RBFOX1: variants seen among roughly 807,000 people sequenced by gnomAD.
RBFOX1 encodes the protein RNA binding fox-1 homolog 1, also known as RNA binding protein fox-1 homolog 1.
In RBFOX1, 8 loss-of-function variants were observed where a neutral mutation model predicts 57.7. The observed-to-expected ratio is 0.14, with a 90% CI of 0.08 to 0.25. RBFOX1 has a LOEUF of 0.25. RBFOX1 is among the 10% of genes least tolerant of loss of function. The pLI is 1.00. For synonymous variants in RBFOX1, 326 were observed against 222.4 expected (o/e 1.47, Z -4.15); for missense variants, 611 against 548.5 (o/e 1.11, Z -1.14).
In RBFOX1 at chr16:7,090,114, G is replaced by A. The variant is rs191243740; in HGVS notation, c.27+38016G>A. On this transcript the variant is annotated intron_variant, in intron 4 of 15. Coordinates refer to ENST00000550418, the MANE Select transcript of RBFOX1 (RefSeq NM_018723.4). Reference sequence around the variant, plus strand: ...TAGTCTAAATGTGGTTGATATCTCTGTTTAAGAGCTCATCTTGCTTTAGGA... The same window carrying A: ...TAGTCTAAATGTGGTTGATATCTCTATTTAAGAGCTCATCTTGCTTTAGGA... Among the ~76,000 whole-genome samples the A allele has an allele frequency of 2.0e-5, 3 of 152,214 alleles. No individual in the cohort carries two copies. The East Asian group carries it at 5.8e-4, about 29-fold the overall frequency.
intron 3 of RBFOX1, among the ~76,000 whole-genome samples, chr16:6,970,542 C>T (rs1043483171): frequency 6.6e-6 from 1 of 152,146 alleles, no homozygotes; most frequent in Admixed American, 6.5e-5. Context: ...CCGGTGAGGG[C>T]TGAGTCTCTG....
intron 4 of RBFOX1, among the ~76,000 whole-genome samples, chr16:7,173,232 C>G (rs960474059): frequency 6.6e-6 from 1 of 152,194 alleles, no homozygotes; most frequent in Non-Finnish European, 1.5e-5. Context: ...TCTCCTCCCC[C>G]TTTTATTTCA....
chr16:6,117,562 G>A (rs1193562113), intron 1 of RBFOX1, among the ~76,000 whole-genome samples: 1 of 152,252 alleles, frequency 6.6e-6, no homozygotes, highest in Non-Finnish European at 1.5e-5. Flanking sequence ...GCTTCTGGTA[G>A]CATTTGGCTC....
chr16:6,001,024 A>G lies in RBFOX1; in HGVS notation c.351+133689A>G, dbSNP rs140469538. Among the ~76,000 whole-genome samples, 898 of 151,728 alleles carry G rather than the reference A, an allele frequency of 5.9e-3. 30 individuals carry two copies. Among genetic ancestry groups the G allele is most frequent in the Admixed American group, 0.04 (612 of 15,240 alleles). On this transcript the variant is annotated intron_variant, in intron 4 of 19. Coordinates refer to the RBFOX1 transcript ENST00000641259. ...TGACGGATGAGTAGATGAGTGGGTG[A>G]GTGGATTGGTGGATCGATGGATGGG...
chr16:6,199,433 G>T (rs926945746), intron 1 of RBFOX1, among the ~76,000 whole-genome samples: 2 of 152,124 alleles, frequency 1.3e-5, no homozygotes, highest in Non-Finnish European at 2.9e-5. Context: ...TGTGACTTCT[G>T]AGTTTAAATT....
chr16:5,546,417 A>T (rs1182325926), intron 2 of RBFOX1, among the ~76,000 whole-genome samples: 2 of 152,206 alleles, frequency 1.3e-5, no homozygotes, highest in African/African-American at 4.8e-5. Context: ...TGATTTAAAG[A>T]TTTATTACAA....
At chr16:5,467,903 A>G (rs1157592649) in intron 2 of RBFOX1, among the ~76,000 whole-genome samples, 2 of 152,228 alleles carry the variant, frequency 1.3e-5, no homozygotes, top group Non-Finnish European at 2.9e-5. Flanking sequence ...TAGTGTCAAG[A>G]TAGCATCTTT....
chr16:6,833,138 C>T (rs2092830317), intron 3 of RBFOX1, among the ~76,000 whole-genome samples: 1 of 151,016 alleles, frequency 6.6e-6, no homozygotes, highest in Non-Finnish European at 1.5e-5. Flanking sequence ...TTTTTCAAGT[C>T]TTGTATTTTA....
chr16:7,489,987 C>G (rs1365204295), intron 4 of RBFOX1, among the ~76,000 whole-genome samples: 1 of 152,108 alleles, frequency 6.6e-6, no homozygotes, highest in East Asian at 1.9e-4. Flanking sequence ...ATGTGTCTCT[C>G]TCCAAAATGC....
At chr16:7,342,660 G>T (rs531692111) in intron 4 of RBFOX1, among the ~76,000 whole-genome samples, 1 of 152,280 alleles carries the variant, frequency 6.6e-6, no homozygotes, top group East Asian at 1.9e-4. Flanking sequence ...GGCCTGCGTG[G>T]ACAGTGCAGA....
At chr16:7,611,777 TGAG>T (rs2057517821) in intron 10 of RBFOX1, among the ~76,000 whole-genome samples, 1 of 152,144 alleles carries the variant, frequency 6.6e-6, no homozygotes. Flanking sequence ...GAGGAAGCAT[TGAG>T]AACGTTCTAA....
intron 1 of RBFOX1, among the ~76,000 whole-genome samples, chr16:6,115,179 A>G (rs2096485456): frequency 6.6e-6 from 1 of 152,020 alleles, no homozygotes. Context: ...CTGCCATTTT[A>G]TTTTTACTTC....
intron 1 of RBFOX1, among the ~76,000 whole-genome samples, chr16:5,464,310 C>G (rs2068887509): frequency 6.6e-6 from 1 of 152,178 alleles, no homozygotes; most frequent in Admixed American, 6.5e-5. Context: ...GGTCCAGATG[C>G]CATGGTGAAT....
intron 4 of RBFOX1, among the ~76,000 whole-genome samples, chr16:7,249,746 CA>C (rs2094440748): frequency 1.3e-5 from 2 of 152,098 alleles, no homozygotes; most frequent in Admixed American, 1.3e-4. Flanking sequence ...GATTTTCCAC[CA>C]TAACAAACCG....
At chr16:5,466,013 G>A (rs768764071) in intron 1 of RBFOX1, among the ~76,000 whole-genome samples, 2 of 152,168 alleles carry the variant, frequency 1.3e-5, no homozygotes, top group African/African-American at 2.4e-5. Flanking sequence ...TTCCTTGGCT[G>A]GGCAGGAAGA....
At chr16:5,990,141 G>A (rs570813223) in intron 4 of RBFOX1, among the ~76,000 whole-genome samples, 3 of 152,196 alleles carry the variant, frequency 2.0e-5, no homozygotes, top group South Asian at 2.1e-4. Context: ...ATGTGCCACC[G>A]TACCTGGGTA....
chr16:7,184,733 G>T (rs540161717), intron 4 of RBFOX1, among the ~76,000 whole-genome samples: 3 of 152,270 alleles, frequency 2.0e-5, no homozygotes, highest in East Asian at 1.9e-4. Flanking sequence ...GGGGCAATGT[G>T]GAGTTACAGG....
intron 3 of RBFOX1, among the ~76,000 whole-genome samples, chr16:6,899,123 A>T (rs1046014871): frequency 7.1e-6 from 1 of 141,044 alleles, no homozygotes; most frequent in African/African-American, 2.9e-5. Flanking sequence ...GTGTTTATGC[A>T]TATGTGTATA....
At chr16:7,326,342 G>C (rs997580345) in intron 4 of RBFOX1, among the ~76,000 whole-genome samples, 4 of 152,158 alleles carry the variant, frequency 2.6e-5, no homozygotes, top group Non-Finnish European at 5.9e-5. Flanking sequence ...GCAGGAGGTA[G>C]TGCTGGGAAG....
Sources: allele counts gnomAD v4.1 joint callset (sites outside exome capture counted in the v4.1 genomes callset), GRCh38; gene constraint gnomAD v4.1.1; transcripts MANE v1.5; gene names NCBI Gene and HGNC (gene_info 2026-07-23, HGNC 2026-07-21).